Variants in PCDH15 observed in about 807,000 individuals in gnomAD.
PCDH15 encodes protocadherin-15.
In PCDH15, 129 loss-of-function variants were observed where a neutral mutation model predicts 178.5. The observed-to-expected ratio is 0.72, with a 90% CI of 0.63 to 0.84. PCDH15 has a LOEUF of 0.84. PCDH15 is among the 40% of genes least tolerant of loss of function. PCDH15 has a pLI of 0.00. For missense variants in PCDH15, 2,230 were observed against 2,099.9 expected (o/e 1.06, Z -1.21); for synonymous variants, 800 against 732.0 (o/e 1.09, Z -1.50).
chr10:54,395,846 T>C (rs1260641010), intron 3 of PCDH15, among the ~76,000 whole-genome samples: 1 of 152,152 alleles, frequency 6.6e-6, no homozygotes, highest in East Asian at 1.9e-4. Flanking sequence ...CATTTTAGAG[T>C]ATAAATGTTC....
intron 5 of PCDH15, among the ~76,000 whole-genome samples, chr10:54,358,795 A>G (rs929385925): frequency 6.6e-6 from 1 of 151,948 alleles, no homozygotes; most frequent in Non-Finnish European, 1.5e-5. Context: ...GATTAAGAAA[A>G]TGTGGCACAT....
At chr10:54,528,713 C>T (rs2083602613) in intron 2 of PCDH15, among the ~76,000 whole-genome samples, 1 of 151,884 alleles carries the variant, frequency 6.6e-6, no homozygotes. Context: ...ATACGAATTA[C>T]TTATGAACAG....
At chr10:54,606,147 T>G (rs2092731260) in intron 2 of PCDH15, 1 of 152,210 alleles carries the variant, frequency 6.6e-6, no homozygotes, top group African/African-American at 2.4e-5. Context: ...GTAGTCTAAC[T>G]TCTTTCATAG....
intron 20 of PCDH15, 50 bp from the exon 21 acceptor site, chr10:53,995,815 G>C: frequency 2.6e-6 from 4 of 1,530,864 alleles, no homozygotes; most frequent in Non-Finnish European, 3.6e-6. Flanking sequence ...CCAGGTTAGG[G>C]ATACAGTTAC....
At chr10:54,617,852 G>A (rs367557092) in intron 2 of PCDH15, among the ~76,000 whole-genome samples, 92 of 151,172 alleles carry the variant, frequency 6.1e-4, no homozygotes, top group African/African-American at 2.2e-3. Flanking sequence ...TTGAACCCGG[G>A]AGGCAGAGAT....
intron 18 of PCDH15, among the ~76,000 whole-genome samples, chr10:54,038,613 G>A (rs1189778603): frequency 1.3e-5 from 2 of 151,860 alleles, no homozygotes; most frequent in Admixed American, 1.3e-4. Flanking sequence ...GTGTGACTAT[G>A]GGCAAGGGAA....
intron 6 of PCDH15, among the ~76,000 whole-genome samples, chr10:54,331,343 A>G (rs1939517988): frequency 2.0e-5 from 3 of 151,916 alleles, no homozygotes; most frequent in Admixed American, 6.6e-5. Context: ...CAGAATTAAT[A>G]TATATTTTTA....
intron 2 of PCDH15, among the ~76,000 whole-genome samples, chr10:55,462,607 T>C (rs1288741439): frequency 6.6e-6 from 1 of 152,118 alleles, no homozygotes; most frequent in African/African-American, 2.4e-5. Context: ...ACACTGAAAA[T>C]TAAACTGTTC....
chr10:54,467,145 T>C (rs2077571745), intron 3 of PCDH15, among the ~76,000 whole-genome samples: 1 of 151,718 alleles, frequency 6.6e-6, no homozygotes, highest in Admixed American at 6.6e-5. Context: ...ATGCCTTTTA[T>C]TTTTTTTAAT....
chr10:55,606,111 C>T (rs1414644775), intron 2 of PCDH15, among the ~76,000 whole-genome samples: 2 of 79,466 alleles, frequency 2.5e-5, no homozygotes, highest in East Asian at 6.7e-4. Flanking sequence ...AACAGACAAA[C>T]AGAGAGCCAA....
chr10:53,896,554 G>C (rs2081965237), intron 26 of PCDH15, among the ~76,000 whole-genome samples: 1 of 152,108 alleles, frequency 6.6e-6, no homozygotes, highest in African/African-American at 2.4e-5. Flanking sequence ...TTTTTCATTA[G>C]TGTAGGACAG....
intron 15 of PCDH15, among the ~76,000 whole-genome samples, chr10:54,099,498 CA>C (rs755057091): frequency 0.046 from 2,314 of 49,910 alleles, 33 homozygotes; most frequent in African/African-American, 0.11. Flanking sequence ...GACTCCATCT[CA>C]AAAAAAAAAA....
At chr10:55,512,263 T>C (rs2132153002) in intron 2 of PCDH15, among the ~76,000 whole-genome samples, 1 of 152,214 alleles carries the variant, frequency 6.6e-6, no homozygotes, top group East Asian at 1.9e-4. Flanking sequence ...ATTTCCATAT[T>C]TGCAATTTAA....
chr10:54,079,274 A>G, intron 17 of PCDH15, 57 bp downstream of exon 17: 1 of 1,431,064 alleles, frequency 7.0e-7, no homozygotes, highest in South Asian at 1.1e-5. Context: ...ATTGTTTAAG[A>G]CTCTCTCAGT....
rs556447749 is a variant in PCDH15, at chr10:54,410,542, T to A, written c.158-31600A>T. On this transcript the variant is annotated intron_variant, in intron 3 of 37. Transcript: ENST00000644397. ...TAATTCTTGTAGATACTATATAAAA[T>A]TTTGAATAGCTAGTATTTAGGTAAA... Among the ~76,000 whole-genome samples the A allele has an allele frequency of 2.1e-4, 32 of 152,220 alleles. No homozygotes were observed. In the East Asian group the frequency reaches 6.2e-3, roughly 29 times the overall value.
chr10:55,408,429 C>T (rs140687879), intron 2 of PCDH15, among the ~76,000 whole-genome samples: 1 of 152,114 alleles, frequency 6.6e-6, no homozygotes, highest in Non-Finnish European at 1.5e-5. Context: ...CGTGATCCTC[C>T]TGCCTTGGCA....
intron 8 of PCDH15, among the ~76,000 whole-genome samples, chr10:54,289,986 C>A (rs1207526932): frequency 4.6e-5 from 7 of 152,094 alleles, no homozygotes; most frequent in African/African-American, 2.4e-5. Context: ...GGATATTATC[C>A]AGGAGAACCT....
chr10:53,918,161 G>A (rs2083684927), intron 25 of PCDH15, among the ~76,000 whole-genome samples: 1 of 152,200 alleles, frequency 6.6e-6, no homozygotes, highest in African/African-American at 2.4e-5. Flanking sequence ...TATTTAATGG[G>A]AGGAATGGAA....
intron 15 of PCDH15, among the ~76,000 whole-genome samples, chr10:54,129,375 T>C (rs1255288598): frequency 1.3e-5 from 2 of 152,200 alleles, no homozygotes; most frequent in African/African-American, 4.8e-5. Flanking sequence ...ACTAACCCAT[T>C]TTTTAAATTT....
Sources: allele counts gnomAD v4.1 joint callset (sites outside exome capture counted in the v4.1 genomes callset), GRCh38; gene constraint gnomAD v4.1.1; transcripts MANE v1.5; gene names NCBI Gene and HGNC (gene_info 2026-07-23, HGNC 2026-07-21).